Variants in PRSS23 observed in about 807,000 individuals in gnomAD.
PRSS23 encodes serine protease 23, also known as protease, serine 23.
PRSS23 carries 25 observed loss-of-function variants against 34.7 expected under a neutral mutation model. That is an observed-to-expected ratio of 0.72 (90% CI 0.53 to 1.01). The LOEUF (loss-of-function observed/expected upper bound fraction) is 1.01, where lower values mean the gene tolerates loss of function less well. Ranked by LOEUF, PRSS23 falls within the 50% of genes least tolerant of loss-of-function variation. PRSS23 has a pLI of 0.00. For missense variants in PRSS23, 445 were observed against 475.6 expected (o/e 0.94, Z 0.60); for synonymous variants, 176 against 186.6 (o/e 0.94, Z 0.46).
chr11:86,917,694 T>C (rs912892092), intron 2 of PRSS23, among the ~76,000 whole-genome samples: 1 of 152,324 alleles, frequency 6.6e-6, no homozygotes, highest in South Asian at 2.1e-4. Context: ...CATCCCACAG[T>C]GGCTGTGTCC....
intron 2 of PRSS23, among the ~76,000 whole-genome samples, chr11:86,879,529 C>T: frequency 6.9e-6 from 1 of 144,394 alleles, no homozygotes; most frequent in African/African-American, 2.6e-5. Context: ...GGCCAGCCGC[C>T]CCGTCCGGGA....
chr11:86,903,939 A>G (rs1948926779), intron 2 of PRSS23, among the ~76,000 whole-genome samples: 1 of 151,398 alleles, frequency 6.6e-6, no homozygotes, highest in Non-Finnish European at 1.5e-5. Context: ...TGGCATAGGC[A>G]GGGTAAGCAA....
At chr11:86,854,491 G>T (rs1272585528) in intron 2 of PRSS23, among the ~76,000 whole-genome samples, 2 of 152,062 alleles carry the variant, frequency 1.3e-5, no homozygotes, top group Non-Finnish European at 2.9e-5. Context: ...AGTGTTTTTT[G>T]ATGCACAAAA....
Position 86,807,657 on chromosome 11 carries a change from C to T in PRSS23, c.14C>T (p.Pro5Leu), listed in dbSNP as rs771420529. Reference protein sequence around the residue: MAGIPGLLFLLFFLL... With the variant: MAGILGLLFLLFFLL... The stretch of plus-strand genomic sequence containing the variant: ...ACAGTGCTCGGCATGGCAGGGATTC[C>T]AGGGCTCCTCTTCCTTCTCTTCTTT... Residue 5 changes from proline (P) to leucine (L), a missense_variant, in exon 2 of 2, where the codon CCA becomes CTA. Coordinates refer to ENST00000280258, the MANE Select transcript of PRSS23 (RefSeq NM_007173.6). 2 of 1,609,972 alleles carry T rather than the reference C, an allele frequency of 1.2e-6. No individual in the cohort carries two copies. Among genetic ancestry groups the T allele is most frequent in the East Asian group, 4.5e-5 (2 of 44,766 alleles).
At chr11:86,795,609 A>T (rs182863563), upstream of PRSS23, among the ~76,000 whole-genome samples, 3 of 152,322 alleles carry the variant, frequency 2.0e-5, no homozygotes, top group East Asian at 5.8e-4. Context: ...CTACTAACAG[A>T]CAAGAAATCA....
At chr11:86,932,720 C>T (rs1322371034) in intron 2 of PRSS23, 1 of 152,124 alleles carries the variant, frequency 6.6e-6, no homozygotes, top group East Asian at 1.9e-4. Flanking sequence ...CCCTGTTTAC[C>T]CCAGTGGATG....
intron 2 of PRSS23, among the ~76,000 whole-genome samples, chr11:86,939,769 T>C (rs2135025753): frequency 6.6e-6 from 1 of 150,478 alleles, no homozygotes; most frequent in Admixed American, 6.6e-5. Flanking sequence ...CTTTCTTTTT[T>C]TTTTTTTAAA....
rs563047994 is a variant in PRSS23, at chr11:86,861,063, G to A, written c.206+37470G>A. On this transcript the variant is annotated intron_variant, in intron 2 of 2. Transcript: ENST00000533902. ...TGTACATCCCTCTGTCACATTGTTC[G>A]TAATGTTTAACGGGAAAGATAATAT... 7.2e-5 allele frequency among the ~76,000 whole-genome samples: 11 copies of A among 151,866 alleles called. 1 individual carries two copies. Among genetic ancestry groups the A allele is most frequent in the East Asian group, 3.9e-4 (2 of 5,168 alleles).
chr11:86,859,979 C>T (rs1222436961), intron 2 of PRSS23, among the ~76,000 whole-genome samples: 2 of 151,872 alleles, frequency 1.3e-5, no homozygotes, highest in South Asian at 2.1e-4. Flanking sequence ...ATTCCAATAT[C>T]GCTGGTGGTG....
At chr11:86,899,752 G>A (rs1332548459) in intron 2 of PRSS23, among the ~76,000 whole-genome samples, 1 of 151,610 alleles carries the variant, frequency 6.6e-6, no homozygotes, top group Non-Finnish European at 1.5e-5. Context: ...GCCTGACCTC[G>A]TGATCCACCT....
At chr11:86,828,369 A>T (rs188676519) in intron 2 of PRSS23, among the ~76,000 whole-genome samples, 4,168 of 151,768 alleles carry the variant, frequency 0.027, 72 homozygotes, top group Non-Finnish European at 0.04. Flanking sequence ...CCATCCTTTT[A>T]TTTTGTGCCT....
chr11:86,942,649 T>C lies in PRSS23; in HGVS notation c.207-8567T>C, dbSNP rs545925177. On this transcript the variant is annotated intron_variant, in intron 2 of 2. Coordinates refer to the PRSS23 transcript ENST00000533902. ...TTTTCTATTCTCTTTCCCTGGGAATTTGAGAAGTTGGAATCCTTTGCCATG... is the reference window on the plus strand; with the variant it reads ...TTTTCTATTCTCTTTCCCTGGGAATCTGAGAAGTTGGAATCCTTTGCCATG... Among the ~76,000 whole-genome samples the C allele has an allele frequency of 9.8e-5, 15 of 152,326 alleles. No homozygotes were observed. The East Asian group carries it at 2.7e-3, about 27-fold the overall frequency.
chr11:86,904,099 T>G (rs1948927748), intron 2 of PRSS23, among the ~76,000 whole-genome samples: 1 of 152,174 alleles, frequency 6.6e-6, no homozygotes, highest in Non-Finnish European at 1.5e-5. Flanking sequence ...GGTCTGAACA[T>G]GCACACTCAC....
intron 2 of PRSS23, among the ~76,000 whole-genome samples, chr11:86,881,316 T>G (rs1047106974): frequency 1.3e-5 from 2 of 151,868 alleles, no homozygotes; most frequent in African/African-American, 4.8e-5. Flanking sequence ...GGCTTTTTTT[T>G]GTTGGTTTTT....
In PRSS23 at chr11:86,950,988, G is replaced by A. The variant is rs886048732; in HGVS notation, c.207-228G>A. The A allele has an allele frequency of 1.3e-6, 1 of 780,530 alleles. No individual in the cohort carries two copies. Among genetic ancestry groups the A allele is most frequent in the South Asian group, 1.5e-5 (1 of 65,680 alleles). The allele number at this position is 780,530 out of a possible 1,614,324, so 48.4% of individuals were successfully genotyped here. A position where few individuals can be genotyped will look rare whatever the true frequency, so the allele number is the denominator to read the frequency against. On this transcript the variant is annotated intron_variant, in intron 2 of 2. Transcript: ENST00000533902. ...AAAATCATTGGTTTTTTGATGCTGG[G>A]GTCGGGGTGGGAGGCAGTGGGTTGA...
chr11:86,915,488 G>A (rs984979026), intron 2 of PRSS23, among the ~76,000 whole-genome samples: 4 of 150,680 alleles, frequency 2.7e-5, no homozygotes, highest in African/African-American at 9.7e-5. Flanking sequence ...AAGAAAAGAG[G>A]CCGGTGATGT....
At chr11:86,869,870 A>G (rs933346399) in intron 2 of PRSS23, among the ~76,000 whole-genome samples, 2 of 152,208 alleles carry the variant, frequency 1.3e-5, no homozygotes, top group Admixed American at 6.5e-5. Flanking sequence ...TCAGAGCCCA[A>G]CACAGGGTTT....
At chr11:86,952,408 T>C (rs144036448) in exon 3 of PRSS23, 1 of 1,614,148 alleles carries the variant, frequency 6.2e-7, no homozygotes, top group Middle Eastern at 1.6e-4. Flanking sequence ...TGCCGCCGCA[T>C]GGGCCAATGG....
intron 2 of PRSS23, among the ~76,000 whole-genome samples, chr11:86,839,265 G>A (rs1299902303): frequency 6.6e-6 from 1 of 152,140 alleles, no homozygotes; most frequent in Non-Finnish European, 1.5e-5. Context: ...TTAGACGAGT[G>A]GCTAACTAGA....
Sources: gnomAD v4.1 joint callset for allele counts (sites outside exome capture counted in the v4.1 genomes callset) on GRCh38, gnomAD v4.1.1 for gene constraint, MANE v1.5 for transcripts, NCBI Gene and HGNC (gene_info 2026-07-23, HGNC 2026-07-21) for gene names.